Variants in ARHGAP20 observed in about 807,000 individuals in gnomAD.
ARHGAP20 encodes Rho GTPase activating protein 20, also known as rho GTPase-activating protein 20.
In ARHGAP20, 34 loss-of-function variants were observed where a neutral mutation model predicts 73.7. That is an observed-to-expected ratio of 0.46 (90% CI 0.35 to 0.61). The LOEUF is 0.61. ARHGAP20 is among the 20% of genes least tolerant of loss of function. The probability of loss-of-function intolerance (pLI) is 0.00; values close to 1 mark genes in which losing one functional copy is unlikely to be tolerated. For missense variants in ARHGAP20, 1,314 were observed against 1,420.9 expected (o/e 0.92, Z 1.21); for synonymous variants, 523 against 518.2 (o/e 1.01, Z -0.13).
At chr11:110,705,221 A>T (rs1950531562) in intron 1 of ARHGAP20, among the ~76,000 whole-genome samples, 1 of 152,178 alleles carries the variant, frequency 6.6e-6, no homozygotes, top group Admixed American at 6.6e-5. Flanking sequence ...GAAAGAATTC[A>T]GTCTTCTAAG....
At chr11:110,649,295 C>T (rs1045390003) in intron 2 of ARHGAP20, among the ~76,000 whole-genome samples, 10 of 145,864 alleles carry the variant, frequency 6.9e-5, no homozygotes, top group African/African-American at 2.3e-4. Context: ...CTGTCTCAGG[C>T]TCCCAAAGTG....
Position 110,614,524 on chromosome 11 carries a change from G to C in ARHGAP20, c.630+37C>G. On this transcript the variant is annotated intron_variant, in intron 6 of 14. Transcript: ENST00000683387. ...TCCGTAGTGTTCTGTCTTATGCAGGGACTTGGAATTTAATTTTCTGGCTTA... is the reference window on the plus strand; with the variant it reads ...TCCGTAGTGTTCTGTCTTATGCAGGCACTTGGAATTTAATTTTCTGGCTTA... 3.9e-6 allele frequency: 6 copies of C among 1,553,010 alleles called. No homozygotes were observed. The Middle Eastern group carries it at 1.0e-3, about 260-fold the overall frequency.
intron 9 of ARHGAP20, among the ~76,000 whole-genome samples, chr11:110,601,979 C>CT (rs1334809434): frequency 1.5e-5 from 2 of 129,132 alleles, no homozygotes; most frequent in Non-Finnish European, 3.1e-5. Flanking sequence ...GAGACTTTTT[C>CT]TCAAAAAAAA....
chr11:110,662,152 A>T (rs185908692), intron 2 of ARHGAP20, among the ~76,000 whole-genome samples: 6 of 151,940 alleles, frequency 3.9e-5, no homozygotes, highest in African/African-American at 9.6e-5. Context: ...TATATATATA[A>T]AATTCATAGT....
chr11:110,666,631 G>T (rs1180351054), intron 2 of ARHGAP20, among the ~76,000 whole-genome samples: 3 of 152,108 alleles, frequency 2.0e-5, no homozygotes, highest in Non-Finnish European at 4.4e-5. Flanking sequence ...TGGCAATCCT[G>T]CATCAAGCAA....
intron 2 of ARHGAP20, among the ~76,000 whole-genome samples, chr11:110,676,073 G>A (rs370690955): frequency 5.9e-5 from 9 of 152,172 alleles, no homozygotes; most frequent in African/African-American, 2.2e-4. Context: ...TACAACTCCC[G>A]CACATTTATT....
chr11:110,638,702 G>C (rs1949018451), intron 2 of ARHGAP20, among the ~76,000 whole-genome samples: 1 of 151,982 alleles, frequency 6.6e-6, no homozygotes, highest in African/African-American at 2.4e-5. Context: ...CCTTTGTAGG[G>C]ACATGGAGGA....
Position 110,583,691 on chromosome 11 carries a change from G to T in ARHGAP20, c.1462C>A (p.Leu488Ile). Residue 488 changes from leucine to isoleucine, a missense_variant, in exon 13 of 15, where the codon CTT (leucine) becomes ATT (isoleucine). By Grantham distance (5) the Leu-to-Ile change is conservative. This residue lies in a region of ARHGAP20 where 230 missense variants were observed against 317.6 expected (regional missense o/e 0.72). Transcript: ENST00000683387. ...TCAATGTTGTGTAACACCCCAAAAA[G>T]ATACCTTAGGAGAACAACATTGGCT... ...PRANVVLLRY[L>I]FGVLHNIEQH... 3 of 1,606,676 alleles carry T rather than the reference G, an allele frequency of 1.9e-6. No homozygotes were observed. The highest frequency in any genetic ancestry group is 2.6e-6 in the Non-Finnish European group (3 of 1,175,162).
intron 4 of ARHGAP20, among the ~76,000 whole-genome samples, chr11:110,621,421 C>G (rs150970659): frequency 6.6e-6 from 1 of 151,240 alleles, no homozygotes; most frequent in Non-Finnish European, 1.5e-5. Context: ...CCCACAAGTC[C>G]GTGATACATT....
At position 110,579,231 on chromosome 11, in the gene ARHGAP20, A is replaced by G; in HGVS notation, c.*139T>C. The G allele has an allele frequency of 7.3e-7, 1 of 1,367,918 alleles. No individual in the cohort carries two copies. The highest frequency in any genetic ancestry group is 9.4e-7 in the Non-Finnish European group (1 of 1,058,632). 84.7% of individuals were successfully genotyped at this position (1,367,918 alleles called of 1,614,324 possible). ...TCAAGTAGTCTCAATAAAGAGAATT[A>G]TTTCGTTGTCCTAAGTATTAGCAAT... On this transcript the variant is annotated 3_prime_UTR_variant, in exon 15 of 15. Coordinates refer to ENST00000683387, the MANE Select transcript of ARHGAP20 (RefSeq NM_001384657.1).
At chr11:110,680,250 G>C (rs1423025719) in intron 2 of ARHGAP20, among the ~76,000 whole-genome samples, 1 of 152,070 alleles carries the variant, frequency 6.6e-6, no homozygotes, top group Non-Finnish European at 1.5e-5. Context: ...TCTCACATCT[G>C]GTAAGAAGAA....
In ARHGAP20 at chr11:110,579,751, A is replaced by C; in HGVS notation, c.3195T>G (p.Ala1065=). 1 of 1,613,852 alleles carries C rather than the reference A, an allele frequency of 6.2e-7. No individual in the cohort carries two copies. The highest frequency in any genetic ancestry group is 8.5e-7 in the Non-Finnish European group (1 of 1,179,956). Residue 1065 remains alanine, a synonymous_variant, in exon 15 of 15, where the codon GCT becomes GCG. Transcript: ENST00000683387. ...KAARPEEEKI[A]SPKGPLEPPP... Reference sequence around the variant, plus strand: ...GTGGCTCTAAGGGTCCTTTTGGAGAAGCTATTTTCTCTTCCTCTGGTCTGG... The same window carrying C: ...GTGGCTCTAAGGGTCCTTTTGGAGACGCTATTTTCTCTTCCTCTGGTCTGG...
At chr11:110,699,939 T>C (rs1489431896) in intron 1 of ARHGAP20, among the ~76,000 whole-genome samples, 1 of 152,066 alleles carries the variant, frequency 6.6e-6, no homozygotes. Context: ...AATGAAGTTG[T>C]AAATAGGTAA....
chr11:110,616,396 G>T (rs899454817), intron 4 of ARHGAP20, among the ~76,000 whole-genome samples: 3 of 152,066 alleles, frequency 2.0e-5, no homozygotes, highest in Non-Finnish European at 4.4e-5. Context: ...TTTAAAGACA[G>T]GGGTCTTGCT....
At chr11:110,671,196 C>T (rs886316250) in intron 2 of ARHGAP20, among the ~76,000 whole-genome samples, 2 of 151,288 alleles carry the variant, frequency 1.3e-5, no homozygotes, top group Admixed American at 1.3e-4. Flanking sequence ...TAAAAAAAAT[C>T]AGTGGAATCA....
chr11:110,602,749 A>G (rs921698874), intron 9 of ARHGAP20, among the ~76,000 whole-genome samples: 3 of 152,224 alleles, frequency 2.0e-5, no homozygotes, highest in Non-Finnish European at 4.4e-5. Flanking sequence ...AAACAAGGCA[A>G]GTGACTTTCC....
chr11:110,642,972 G>T (rs988835564), intron 2 of ARHGAP20, among the ~76,000 whole-genome samples: 15 of 151,922 alleles, frequency 9.9e-5, no homozygotes, highest in African/African-American at 3.1e-4. Flanking sequence ...TCATTGGTCT[G>T]CTCAGCGTTT....
chr11:110,652,871 T>C (rs11213517), intron 2 of ARHGAP20, among the ~76,000 whole-genome samples: 25,738 of 151,972 alleles, frequency 0.17, 2,255 homozygotes, highest in South Asian at 0.29. Flanking sequence ...CAAAAACAGA[T>C]ACATAGATCA....
intron 2 of ARHGAP20, among the ~76,000 whole-genome samples, chr11:110,666,261 A>G (rs1949722181): frequency 6.6e-6 from 1 of 152,246 alleles, no homozygotes; most frequent in Non-Finnish European, 1.5e-5. Flanking sequence ...AAGACTCAAT[A>G]TTGCTAAAAT....
Sources: allele counts gnomAD v4.1 joint callset (sites outside exome capture counted in the v4.1 genomes callset), GRCh38; gene constraint gnomAD v4.1.1; regional missense constraint gnomAD v4.1.1; transcripts MANE v1.5; gene names NCBI Gene and HGNC (gene_info 2026-07-23, HGNC 2026-07-21).